Variants in MAML3 observed in about 807,000 individuals in gnomAD.
MAML3 encodes the protein mastermind like transcriptional coactivator 3.
A neutral mutation model predicts 101.9 loss-of-function variants in MAML3; 27 were observed. The ratio of observed to expected loss-of-function variants is 0.27; its 90% confidence interval spans 0.20 to 0.37. The LOEUF (loss-of-function observed/expected upper bound fraction) is 0.37. Among genes scored for constraint, MAML3 ranks in the 10% least tolerant of loss-of-function variants. MAML3 has a pLI of 1.00. For missense variants in MAML3, 1,316 were observed against 1,444.9 expected, an observed-to-expected ratio of 0.91 and a Z score of 1.45; for synonymous variants, 501 against 555.9, an observed-to-expected ratio of 0.90 and a Z score of 1.39.
chr4:139,986,043 T>C (rs543218576), intron 1 of MAML3, among the ~76,000 whole-genome samples: 13 of 152,388 alleles, frequency 8.5e-5, no homozygotes, highest in Non-Finnish European at 1.5e-4. Flanking sequence ...GCCCTCATTA[T>C]GTTTCTTCCA....
At chr4:139,958,503 A>G (rs929878213) in intron 1 of MAML3, among the ~76,000 whole-genome samples, 1 of 152,228 alleles carries the variant, frequency 6.6e-6, no homozygotes, top group Non-Finnish European at 1.5e-5. Context: ...TACAATTGCC[A>G]GAGCCCAAAC....
chr4:139,999,767 G>A (rs572349572), intron 1 of MAML3, among the ~76,000 whole-genome samples: 6 of 152,266 alleles, frequency 3.9e-5, no homozygotes, highest in South Asian at 2.1e-4. Context: ...GAACCAACTC[G>A]AAACTGTGGA....
At chr4:139,743,662 G>C (rs951524900) in intron 2 of MAML3, among the ~76,000 whole-genome samples, 13 of 152,148 alleles carry the variant, frequency 8.5e-5, no homozygotes, top group African/African-American at 3.1e-4. Flanking sequence ...ATACCACACG[G>C]GGAAAAGCCA....
intron 2 of MAML3, among the ~76,000 whole-genome samples, chr4:139,887,313 T>C (rs1373377608): frequency 6.6e-6 from 1 of 152,230 alleles, no homozygotes; most frequent in Non-Finnish European, 1.5e-5. Flanking sequence ...TTTTACCTGA[T>C]GAGATTTTGT....
chr4:139,978,938 TCAAAGAGC>T, intron 1 of MAML3, among the ~76,000 whole-genome samples: 1 of 151,956 alleles, frequency 6.6e-6, no homozygotes, highest in South Asian at 2.1e-4. Flanking sequence ...ATGACTACTT[TCAAAGAGC>T]TCTATGACTA....
intron 2 of MAML3, among the ~76,000 whole-genome samples, chr4:139,796,013 C>T (rs1315877602): frequency 6.6e-6 from 1 of 152,152 alleles, no homozygotes; most frequent in Non-Finnish European, 1.5e-5. Flanking sequence ...CACGTGGTAA[C>T]CTTTTTTGAG....
intron 2 of MAML3, among the ~76,000 whole-genome samples, chr4:139,869,271 AACTCT>A (rs1232037509): frequency 1.3e-5 from 2 of 152,214 alleles, no homozygotes; most frequent in Non-Finnish European, 2.9e-5. Flanking sequence ...GATACTGGGG[AACTCT>A]ACTCTTTACT....
intron 1 of MAML3, among the ~76,000 whole-genome samples, chr4:139,973,469 G>A (rs1039765005): frequency 1.3e-5 from 2 of 152,170 alleles, no homozygotes; most frequent in South Asian, 2.1e-4. Context: ...GGTCTACGTC[G>A]TAAAGGTTAA....
chr4:140,040,621 A>C (rs28521577), intron 1 of MAML3, among the ~76,000 whole-genome samples: 1 of 152,226 alleles, frequency 6.6e-6, no homozygotes, highest in Non-Finnish European at 1.5e-5. Context: ...TCAACAATAC[A>C]GGGTACGGTG....
intron 2 of MAML3, among the ~76,000 whole-genome samples, chr4:139,855,125 C>T (rs1731632348): frequency 6.6e-6 from 1 of 152,222 alleles, no homozygotes. Flanking sequence ...GTTCAGACGT[C>T]TGCAGTTTCT....
intron 1 of MAML3, among the ~76,000 whole-genome samples, chr4:139,942,796 G>T (rs1175587322): frequency 6.6e-6 from 1 of 152,018 alleles, no homozygotes; most frequent in East Asian, 1.9e-4. Flanking sequence ...ATCGTGATTT[G>T]GTCCTTTTAT....
chr4:140,110,141 T>C (rs1228792707), intron 1 of MAML3, among the ~76,000 whole-genome samples: 1 of 152,142 alleles, frequency 6.6e-6, no homozygotes, highest in Non-Finnish European at 1.5e-5. Context: ...CATGAACAAC[T>C]CTAGTTCAGC....
At chr4:140,012,079 T>C (rs1056523094) in intron 1 of MAML3, among the ~76,000 whole-genome samples, 8 of 151,922 alleles carry the variant, frequency 5.3e-5, no homozygotes, top group African/African-American at 1.9e-4. Context: ...CAATCAGCCA[T>C]ATTTTATTGC....
intron 1 of MAML3, among the ~76,000 whole-genome samples, chr4:139,932,426 G>A (rs1314550593): frequency 6.6e-6 from 1 of 152,098 alleles, no homozygotes; most frequent in African/African-American, 2.4e-5. Context: ...TCGTTAACAG[G>A]GACTTGGAGT....
chr4:139,885,417 G>A (rs1308408129), intron 2 of MAML3, among the ~76,000 whole-genome samples: 2 of 151,844 alleles, frequency 1.3e-5, no homozygotes, highest in Non-Finnish European at 2.9e-5. Flanking sequence ...AAAAAAGAAA[G>A]AAAGAAAGAA....
intron 1 of MAML3, among the ~76,000 whole-genome samples, chr4:139,929,109 G>T (rs911946620): frequency 6.6e-6 from 1 of 152,210 alleles, no homozygotes; most frequent in Admixed American, 6.5e-5. Context: ...CGGTGGGAAA[G>T]TGTTCAATAG....
chr4:140,106,332 C>T (rs1728351117), intron 1 of MAML3, among the ~76,000 whole-genome samples: 1 of 152,146 alleles, frequency 6.6e-6, no homozygotes, highest in Non-Finnish European at 1.5e-5. Context: ...TCTCAACTAT[C>T]ATAAGCCCCC....
intron 1 of MAML3, among the ~76,000 whole-genome samples, chr4:139,965,905 A>C (rs1314487250): frequency 6.6e-6 from 1 of 152,224 alleles, no homozygotes; most frequent in Non-Finnish European, 1.5e-5. Flanking sequence ...ATAAGAACAC[A>C]AAAGCACAGA....
At chr4:139,986,663 ATC>A (rs150762333) in intron 1 of MAML3, among the ~76,000 whole-genome samples, 11,448 of 151,874 alleles carry the variant, frequency 0.075, 1,351 homozygotes, top group African/African-American at 0.25. Context: ...TGAATCATGA[ATC>A]TCTACAAAAA....
Sources: allele counts gnomAD v4.1 joint callset (sites outside exome capture counted in the v4.1 genomes callset), GRCh38; gene constraint gnomAD v4.1.1; transcripts MANE v1.5; gene names NCBI Gene and HGNC (gene_info 2026-07-23, HGNC 2026-07-21).